The following IL13RA2 variants were observed in gnomAD, a reference collection of about 807,000 sequenced individuals.
IL13RA2 encodes interleukin-13 receptor subunit alpha-2.
IL13RA2 carries 25 observed loss-of-function variants against 34.1 expected under a neutral mutation model. The observed-to-expected ratio is 0.73, with a 90% CI of 0.53 to 1.03. IL13RA2 has a LOEUF of 1.03. Among genes scored for constraint, IL13RA2 ranks in the 50% least tolerant of loss-of-function variants. IL13RA2 has a pLI of 0.00. For synonymous variants in IL13RA2, 106 were observed against 100.4 expected (o/e 1.06, Z -0.33); for missense variants, 297 against 280.9 (o/e 1.06, Z -0.41).
In IL13RA2 at chrX:115,015,672, T is replaced by C; in HGVS notation, c.244A>G (p.Lys82Glu). ...KYRNIGSETWKTIITKNLHYK... is the reference protein window; with the variant it reads ...KYRNIGSETWETIITKNLHYK... The stretch of plus-strand genomic sequence containing the variant: ...CGGCAAATGCATGCTTTACTTACCT[T>C]CCATGTTTCACTACCAATGTTTCGG... Residue 82 changes from lysine to glutamate, a missense_variant and splice_region_variant, in exon 3 of 10, where the codon AAG becomes GAG. Physicochemically the swap from Lys to Glu is moderately conservative, Grantham distance 56. Transcript: ENST00000243213. 3 of 1,202,644 alleles carry C rather than the reference T, an allele frequency of 2.5e-6. No individual in the cohort carries two copies. The highest frequency in any genetic ancestry group is 3.4e-6 in the Non-Finnish European group (3 of 887,482).
rs1556510352 is a variant in IL13RA2, at chrX:115,017,209, C to T, written c.61G>A (p.Gly21Ser). 1.0e-6 allele frequency: 1 copy of T among 969,261 alleles called. No homozygotes were observed. The highest frequency in any genetic ancestry group is 2.0e-5 in the South Asian group (1 of 50,583). 79.9% of individuals were successfully genotyped at this position (969,261 alleles called of 1,213,427 possible). ...TCGGTGTCTGAAGATGAAGTACAGC[C>T]AAATGTTGTGCTTATCAGAAAGGTA... Reference protein sequence around the residue: ...LYTFLISTTFGCTSSSDTEIK... With the variant: ...LYTFLISTTFSCTSSSDTEIK... Residue 21 changes from glycine to serine, a missense_variant, in exon 2 of 10, where the codon GGC becomes AGC. Transcript: ENST00000243213.
Position 115,014,499 on chromosome X carries a change from G to T in IL13RA2, c.322C>A (p.Leu108Ile). The T allele has an allele frequency of 8.4e-7, 1 of 1,191,616 alleles. No homozygotes were observed. Among genetic ancestry groups the T allele is most frequent in the Non-Finnish European group, 1.1e-6 (1 of 879,006 alleles). The change falls in exon 4 of 10, where the codon CTT becomes ATT. Residue 108 changes from leucine to isoleucine, a missense_variant. Transcript: ENST00000243213. ...NKGIEAKIHT[L>I]LPWQCTNGSE... ...CCATTTGTGCATTGCCATGGTAAAA[G>T]CGTGTGTATCTTCGCTTCAATGCCC...
At position 115,009,584 on chromosome X, in the gene IL13RA2, T is replaced by C. The variant is rs782411247; in HGVS notation, c.789A>G (p.Gly263=). 11 of 1,187,744 alleles carry C rather than the reference T, an allele frequency of 9.3e-6. No individual in the cohort carries two copies. In the African/African-American group the frequency reaches 1.1e-4, roughly 11 times the overall value. ...AATCAAAACACCTTGCTGGAATAGG[T>C]CCCAAAGGTATGCTCCATTTCAGCT... ...EIKLKWSIPL[G]PIPARCFDYE... The change falls in exon 7 of 10, where the codon GGA becomes GGG. Residue 263 remains glycine (G), a synonymous_variant. Coordinates refer to ENST00000243213, the MANE Select transcript of IL13RA2 (RefSeq NM_000640.3).
In IL13RA2 at chrX:115,013,854, C is replaced by T. The variant is rs199942421; in HGVS notation, c.436G>A (p.Val146Ile). The T allele has an allele frequency of 1.1e-4, 111 of 1,004,779 alleles. No individual in the cohort carries two copies. The highest frequency in any genetic ancestry group is 1.3e-4 in the Non-Finnish European group (94 of 710,011). The allele number at this position is 1,004,779 out of a possible 1,213,427, so 82.8% of individuals were successfully genotyped here. The change falls in exon 5 of 10, where the codon GTA becomes ATA. Residue 146 changes from valine to isoleucine, a missense_variant. Physicochemically the swap from Val to Ile is conservative, Grantham distance 29. Transcript: ENST00000243213. Reference sequence around the variant, plus strand: ...AGTAAATATTGCCAATTGTAATATACGCAATCCATATCCTGAACTTTAGTT... The same window carrying T: ...AGTAAATATTGCCAATTGTAATATATGCAATCCATATCCTGAACTTTAGTT... ...PETKVQDMDC[V>I]YYNWQYLLCS...
rs17095034 is a variant in IL13RA2 at position 115,010,460 on chromosome X, G to A, written c.706+184C>T. Among the ~76,000 whole-genome samples, 875 of 110,863 alleles carry A rather than the reference G, an allele frequency of 7.9e-3. 12 individuals carry two copies. The highest frequency in any genetic ancestry group is 0.027 in the African/African-American group (840 of 30,546). The stretch of plus-strand genomic sequence containing the variant: ...TTTCATCCTTAAATATTTAATAAGC[G>A]CCACCTCATACACTCTGCTGACTCT... On this transcript the variant is annotated intron_variant, in intron 6 of 9. Coordinates refer to ENST00000243213, the MANE Select transcript of IL13RA2 (RefSeq NM_000640.3).
chrX:115,013,713 C>T (rs17095916), intron 5 of IL13RA2, 56 bp downstream of exon 5: 10 of 641,108 alleles, frequency 1.6e-5, no homozygotes, highest in South Asian at 5.1e-5. Context: ...CTCATACTAT[C>T]GACTAACTTG....
At chrX:115,004,805 C>T (rs1362929501) in intron 9 of IL13RA2, among the ~76,000 whole-genome samples, 3 of 112,122 alleles carry the variant, frequency 2.7e-5, no homozygotes, top group Non-Finnish European at 3.8e-5. Context: ...AGGCACCATG[C>T]TTTATCATTT....
intron 2 of IL13RA2, 107 bp downstream of exon 2, chrX:115,017,066 TTAG>T: frequency 2.1e-6 from 1 of 486,701 alleles, no homozygotes; most frequent in Non-Finnish European, 3.6e-6. Context: ...CATCTACTAG[TTAG>T]TTATGCACTT....
intron 9 of IL13RA2, among the ~76,000 whole-genome samples, chrX:115,004,623 C>A (rs1345816344): frequency 9.1e-6 from 1 of 109,610 alleles, no homozygotes; most frequent in Non-Finnish European, 1.9e-5. Flanking sequence ...ATATTTTTCT[C>A]CAGGTTACAA....
chrX:115,007,523 C>A (rs1270341720), intron 8 of IL13RA2, among the ~76,000 whole-genome samples: 1 of 111,295 alleles, frequency 9.0e-6, no homozygotes, highest in Non-Finnish European at 1.9e-5. Context: ...TATTCATGAC[C>A]TTTTAATTAG....
chrX:115,004,715 A>G (rs1213051135), intron 9 of IL13RA2, among the ~76,000 whole-genome samples: 1 of 111,590 alleles, frequency 9.0e-6, no homozygotes, highest in Non-Finnish European at 1.9e-5. Context: ...CTCAAATGGC[A>G]ATCATCTAAA....
At chrX:115,012,870 T>A (rs2071711715) in intron 5 of IL13RA2, among the ~76,000 whole-genome samples, 1 of 110,953 alleles carries the variant, frequency 9.0e-6, no homozygotes, top group African/African-American at 3.3e-5. Flanking sequence ...AGATGAGCCT[T>A]GAAAAAGATG....
chrX:115,016,813 AAGCTAAGGATAGT>A (rs1228131471), intron 2 of IL13RA2, among the ~76,000 whole-genome samples: 7 of 109,279 alleles, frequency 6.4e-5, no homozygotes, highest in East Asian at 2.8e-4. Context: ...ATTGTCATAA[AAGCTAAGGATAGT>A]AGCTAAGGAT....
In IL13RA2 at chrX:115,004,121, GT is replaced by G; in HGVS notation, c.1117-16del. The G allele has an allele frequency of 1.1e-6, 1 of 934,835 alleles. No homozygotes were observed. The highest frequency in any genetic ancestry group is 1.5e-6 in the Non-Finnish European group (1 of 650,091). The allele number at this position is 934,835 out of a possible 1,213,427, so 77.0% of individuals were successfully genotyped here. On this transcript the variant is annotated splice_polypyrimidine_tract_variant and intron_variant, in intron 9 of 9. Transcript: ENST00000243213. ...AATTCTGGAATCTAGAAAGAACTCT[GT>G]TATTAACAAGTCATCTCTAATAACA...
chrX:115,004,201 GCAAA>G (rs1451051643), intron 9 of IL13RA2, 95 bp from the exon 10 acceptor site: 5 of 496,088 alleles, frequency 1.0e-5, no homozygotes, highest in African/African-American at 2.4e-5. Context: ...AGAGCATTCA[GCAAA>G]CAAAGTGAAG....
chrX:115,007,940 C>A lies in IL13RA2; in HGVS notation c.989G>T (p.Cys330Phe). 1 of 1,111,293 alleles carries A rather than the reference C, an allele frequency of 9.0e-7. No individual in the cohort carries two copies. Among genetic ancestry groups the A allele is most frequent in the Non-Finnish European group, 1.2e-6 (1 of 808,403 alleles). 91.6% of individuals were successfully genotyped at this position (1,111,293 alleles called of 1,213,427 possible). The change falls in exon 8 of 10, where the codon TGC (cysteine) becomes TTC (phenylalanine). Residue 330 changes from cysteine to phenylalanine, a missense_variant. Coordinates refer to ENST00000243213, the MANE Select transcript of IL13RA2 (RefSeq NM_000640.3). ...GTCCTTTTAGCTCATACCTTCCCAG[C>A]ATTGTTTATCACTCCACTCACTCCA... ...GIWSEWSDKQ[C>F]WEGEDLSKKT...
chrX:115,009,726 T>C, intron 6 of IL13RA2, 60 bp from the exon 7 acceptor site: 2 of 1,027,937 alleles, frequency 1.9e-6, no homozygotes, highest in South Asian at 4.1e-5. Context: ...CAGTAGCCTT[T>C]ATCCAAAGCT....
intron 5 of IL13RA2, among the ~76,000 whole-genome samples, chrX:115,012,411 A>T (rs1416635472): frequency 8.9e-6 from 1 of 111,896 alleles, no homozygotes; most frequent in Non-Finnish European, 1.9e-5. Context: ...GACAAAGCAC[A>T]CATATATGAG....
chrX:115,004,162 G>T, intron 9 of IL13RA2, 56 bp from the exon 10 acceptor site: 1 of 632,492 alleles, frequency 1.6e-6, no homozygotes, highest in Non-Finnish European at 2.6e-6. Flanking sequence ...CTATTTCACT[G>T]AAGATTAACA....
Sources: allele counts gnomAD v4.1 joint callset (sites outside exome capture counted in the v4.1 genomes callset), GRCh38; gene constraint gnomAD v4.1.1; transcripts MANE v1.5; gene names NCBI Gene and HGNC (gene_info 2026-07-23, HGNC 2026-07-21).